The following TRPM3 variants were observed in gnomAD, a reference collection of about 807,000 sequenced individuals.
The protein encoded by TRPM3 is transient receptor potential cation channel subfamily M member 3.
TRPM3 carries 77 observed loss-of-function variants against 181.2 expected under a neutral mutation model. The observed-to-expected ratio is 0.42, with a 90% CI of 0.35 to 0.51. The LOEUF (loss-of-function observed/expected upper bound fraction) is 0.51. TRPM3 is among the 20% of genes least tolerant of loss of function. The probability of loss-of-function intolerance (pLI) is 0.01; values close to 1 mark genes in which losing one functional copy is unlikely to be tolerated. For missense variants in TRPM3, 1,759 were observed against 2,196.7 expected (o/e 0.80, Z 3.98); for synonymous variants, 745 against 796.4 (o/e 0.94, Z 1.09).
In TRPM3 at chr9:70,985,563, T is replaced by C. The variant is rs2097411123; in HGVS notation, c.178-121052A>G. Among the ~76,000 whole-genome samples, 3 of 152,294 alleles carry C rather than the reference T, an allele frequency of 2.0e-5. No individual in the cohort carries two copies. The South Asian group carries it at 6.2e-4, about 32-fold the overall frequency. Reference sequence around the variant, plus strand: ...ATTTATTATTTGTGGCCAAAAGCATTATAATTAAATGCTGTGTTTCTTTTT... The same window carrying C: ...ATTTATTATTTGTGGCCAAAAGCATCATAATTAAATGCTGTGTTTCTTTTT... On this transcript the variant is annotated intron_variant, in intron 1 of 25. Transcript: ENST00000677713.
chr9:70,870,886 G>A (rs907093711), intron 1 of TRPM3, among the ~76,000 whole-genome samples: 2 of 151,752 alleles, frequency 1.3e-5, no homozygotes, highest in Admixed American at 6.6e-5. Flanking sequence ...GTTTTCCAAA[G>A]TTTTCTCCTG....
intron 1 of TRPM3, among the ~76,000 whole-genome samples, chr9:71,247,231 G>C (rs2082080792): frequency 6.6e-6 from 1 of 151,632 alleles, no homozygotes; most frequent in South Asian, 2.1e-4. Context: ...GCACATGCTT[G>C]TAATCCCAGT....
At chr9:70,583,675 T>G (rs994660839) in intron 22 of TRPM3, among the ~76,000 whole-genome samples, 13 of 152,218 alleles carry the variant, frequency 8.5e-5, no homozygotes, top group Non-Finnish European at 1.9e-4. Flanking sequence ...TCCTTTGAGA[T>G]GGAGAATCCT....
chr9:70,547,773 C>A (rs2045408623), intron 25 of TRPM3, among the ~76,000 whole-genome samples: 1 of 152,062 alleles, frequency 6.6e-6, no homozygotes, highest in Non-Finnish European at 1.5e-5. Context: ...AGTTGCTCAC[C>A]TTGGCCATCC....
At chr9:70,671,916 A>C (rs1009076725) in intron 9 of TRPM3, among the ~76,000 whole-genome samples, 14 of 143,964 alleles carry the variant, frequency 9.7e-5, no homozygotes, top group Non-Finnish European at 1.8e-4. Context: ...GGCATGTGCC[A>C]CCATGTCCAG....
chr9:71,433,358 T>A (rs887928070), intron 1 of TRPM3, among the ~76,000 whole-genome samples: 1 of 152,344 alleles, frequency 6.6e-6, no homozygotes. Flanking sequence ...GATGGTCTTA[T>A]AATGGGCTTT....
intron 1 of TRPM3, among the ~76,000 whole-genome samples, chr9:71,042,232 G>A (rs1012004167): frequency 1.3e-5 from 2 of 152,006 alleles, no homozygotes; most frequent in Admixed American, 1.3e-4. Context: ...AAGGGCAATG[G>A]TCAAATATAT....
At chr9:70,748,463 G>A (rs2075564261) in intron 8 of TRPM3, among the ~76,000 whole-genome samples, 1 of 152,112 alleles carries the variant, frequency 6.6e-6, no homozygotes, top group South Asian at 2.1e-4. Flanking sequence ...GTCAACTGGT[G>A]GATATGTGAT....
chr9:70,565,202 C>A (rs1368871794), intron 22 of TRPM3, among the ~76,000 whole-genome samples: 1 of 152,204 alleles, frequency 6.6e-6, no homozygotes, highest in Non-Finnish European at 1.5e-5. Context: ...GTATAGTGGG[C>A]TAACAACGTT....
In TRPM3 at chr9:70,625,874, T is replaced by C. The variant is rs565511422; in HGVS notation, c.1633-357A>G. Among the ~76,000 whole-genome samples the C allele has an allele frequency of 6.6e-6, 1 of 152,110 alleles. No homozygotes were observed. The highest frequency in any genetic ancestry group is 2.1e-4 in the South Asian group (1 of 4,820). ...GGTCTCCTTTAATACAAAACCTCTA[T>C]CCATAATTTTAAAAAATTGACACTT... is the stretch of plus-strand genomic sequence containing the variant. On this transcript the variant is annotated intron_variant, in intron 12 of 25. Transcript: ENST00000677713. This position sits in a 1 kb window ranked among gnomAD's most constrained non-coding sequence, Gnocchi z 4.8.
At chr9:70,907,925 T>C (rs1406729553) in intron 1 of TRPM3, among the ~76,000 whole-genome samples, 1 of 152,258 alleles carries the variant, frequency 6.6e-6, no homozygotes, top group East Asian at 1.9e-4. Flanking sequence ...ATTGTGTATA[T>C]GTACCACAGA....
chr9:70,798,437 CTT>C (rs2087848633), intron 6 of TRPM3, among the ~76,000 whole-genome samples: 1 of 152,156 alleles, frequency 6.6e-6, no homozygotes, highest in South Asian at 2.1e-4. Flanking sequence ...TCCTGAGGCC[CTT>C]TTTAACTTCC....
At chr9:70,790,741 A>G (rs1376355072) in intron 6 of TRPM3, among the ~76,000 whole-genome samples, 1 of 152,206 alleles carries the variant, frequency 6.6e-6, no homozygotes, top group Non-Finnish European at 1.5e-5. Context: ...AAAACTACAT[A>G]AATCTGATAA....
chr9:71,329,890 A>T (rs984336712), intron 1 of TRPM3, among the ~76,000 whole-genome samples: 1 of 152,238 alleles, frequency 6.6e-6, no homozygotes, highest in African/African-American at 2.4e-5. Context: ...ATAAGCACTC[A>T]TGAACCCTTG....
intron 3 of TRPM3, among the ~76,000 whole-genome samples, chr9:70,850,386 T>C (rs1328453539): frequency 6.6e-6 from 1 of 152,096 alleles, no homozygotes; most frequent in East Asian, 1.9e-4. Context: ...TGAGAGTCTC[T>C]TTATAAGAGA....
In TRPM3 at chr9:70,791,813, CT is replaced by C. The variant is rs572175479; in HGVS notation, c.974-7535del. Among the ~76,000 whole-genome samples, 757 of 152,286 alleles carry C rather than the reference CT, an allele frequency of 5.0e-3. 3 individuals carry two copies. The highest frequency in any genetic ancestry group is 8.7e-3 in the Non-Finnish European group (589 of 68,014). ...GAATATATTAAATTAATATGGCAAA[CT>C]GTATTTTTTTCTGTTTGTTTTCAAT... On this transcript the variant is annotated intron_variant, in intron 6 of 25. Coordinates refer to ENST00000677713, the MANE Select transcript of TRPM3 (RefSeq NM_001366145.2).
intron 6 of TRPM3, among the ~76,000 whole-genome samples, chr9:70,799,977 T>C (rs914948434): frequency 6.6e-6 from 1 of 152,232 alleles, no homozygotes. Context: ...GTTTACTGGG[T>C]CTCTCCAAAC....
At chr9:70,571,660 T>C (rs1588610246) in intron 22 of TRPM3, among the ~76,000 whole-genome samples, 2 of 152,150 alleles carry the variant, frequency 1.3e-5, no homozygotes, top group South Asian at 2.1e-4. Context: ...CCATTAAACA[T>C]AGGGGCAACA....
chr9:71,325,460 G>A (rs1252527261), intron 1 of TRPM3, among the ~76,000 whole-genome samples: 1 of 151,816 alleles, frequency 6.6e-6, no homozygotes, highest in East Asian at 1.9e-4. Flanking sequence ...TATTTCACAG[G>A]TGAAAAAAAA....
Sources: gnomAD v4.1 joint callset for allele counts (sites outside exome capture counted in the v4.1 genomes callset) on GRCh38, gnomAD v4.1.1 for gene constraint, Gnocchi (gnomAD v3.1) non-coding constraint, MANE v1.5 for transcripts, NCBI Gene and HGNC (gene_info 2026-07-23, HGNC 2026-07-21) for gene names.